Variants in HIGD1C observed in about 807,000 individuals in gnomAD.
HIGD1C encodes the protein HIG1 domain family member 1C.
Under a neutral mutation model 13.1 loss-of-function variants are expected in HIGD1C, and 11 were observed. The ratio of observed to expected loss-of-function variants is 0.84; its 90% confidence interval spans 0.53 to 1.39. The LOEUF is 1.39. HIGD1C is among the 40% of genes most tolerant of loss of function. HIGD1C has a pLI of 0.00. For synonymous variants in HIGD1C, 36 were observed against 37.7 expected (o/e 0.95, Z 0.17); for missense variants, 110 against 112.0 (o/e 0.98, Z 0.08).
the HIGD1C span, among the ~76,000 whole-genome samples, chr12:50,946,722 C>T: frequency 6.6e-6 from 1 of 152,106 alleles, no homozygotes; most frequent in Admixed American, 6.5e-5. Flanking sequence ...CCAGCCATCC[C>T]ATTACTGGGT....
the HIGD1C span, among the ~76,000 whole-genome samples, chr12:50,947,300 A>T: frequency 1.3e-5 from 2 of 152,210 alleles, no homozygotes; most frequent in Non-Finnish European, 2.9e-5. Context: ...CAACTCTGGA[A>T]GACAGAAGTC....
upstream of HIGD1C, among the ~76,000 whole-genome samples, chr12:50,949,681 G>T (rs892384693): frequency 2.0e-5 from 3 of 151,812 alleles, no homozygotes; most frequent in African/African-American, 7.3e-5. Context: ...TTACAGGCAT[G>T]TGCCACCTCA....
intron 2 of HIGD1C, among the ~76,000 whole-genome samples, chr12:50,963,259 A>G (rs1939408039): frequency 1.3e-5 from 2 of 150,908 alleles, no homozygotes; most frequent in African/African-American, 4.9e-5. Flanking sequence ...AATCCCAGCT[A>G]CTCAGGAGGC....
chr12:50,962,082 C>T (rs947551412), intron 2 of HIGD1C, among the ~76,000 whole-genome samples: 58 of 152,192 alleles, frequency 3.8e-4, no homozygotes, highest in African/African-American at 1.3e-3. Context: ...TTATAGATGC[C>T]GTGACAGAAA....
At position 50,954,994 on chromosome 12, in the gene HIGD1C, A is replaced by G. The variant is rs531866116; in HGVS notation, c.94+902A>G. ...GGCAAAATAAATTCTGGACTAAAGAAGTGATACTATAATTAGGCCGGGCAC... is the reference window on the plus strand; with the variant it reads ...GGCAAAATAAATTCTGGACTAAAGAGGTGATACTATAATTAGGCCGGGCAC... On this transcript the variant is annotated intron_variant, in intron 1 of 2. Transcript: ENST00000398455. Among the ~76,000 whole-genome samples, 75 of 152,046 alleles carry G rather than the reference A, an allele frequency of 4.9e-4. 1 individual carries two copies. The South Asian group carries it at 0.013, about 26-fold the overall frequency.
At chr12:50,960,484 A>G (rs1939282999) in intron 1 of HIGD1C, among the ~76,000 whole-genome samples, 2 of 152,218 alleles carry the variant, frequency 1.3e-5, no homozygotes, top group South Asian at 4.1e-4. Context: ...TTCTGGGAAG[A>G]GTCAAAACTG....
chr12:50,934,900 GACACACAC>G, the HIGD1C span: 3 of 150,948 alleles, frequency 2.0e-5, no homozygotes, highest in East Asian at 3.9e-4. Context: ...TTTAATGGCT[GACACACAC>G]ACACACACAC....
downstream of HIGD1C, among the ~76,000 whole-genome samples, chr12:50,970,724 A>G (rs796434978): frequency 2.3e-4 from 35 of 152,284 alleles, no homozygotes; most frequent in African/African-American, 7.7e-4. Context: ...TTCAGAACCT[A>G]GGGCATGATT....
chr12:50,963,059 GGAAAGGAATTAGAAAA>G (rs1358963229), intron 2 of HIGD1C, among the ~76,000 whole-genome samples: 19 of 152,072 alleles, frequency 1.2e-4, no homozygotes, highest in South Asian at 8.3e-4. Context: ...AAGTGAGCCG[GGAAAGGAATTAGAAAA>G]GAAAGGAAAG....
chr12:50,942,797 G>A, the HIGD1C span, among the ~76,000 whole-genome samples: 2 of 152,060 alleles, frequency 1.3e-5, no homozygotes, highest in African/African-American at 4.8e-5. Context: ...CCAGGAGTTC[G>A]AGGCTGCAGT....
the HIGD1C span, among the ~76,000 whole-genome samples, chr12:50,945,636 G>A: frequency 9.9e-5 from 15 of 152,050 alleles, no homozygotes; most frequent in Admixed American, 3.9e-4. Context: ...AATCAATATC[G>A]TGAAAATGGC....
chr12:50,953,726 A>G (rs1464695886), upstream of HIGD1C, among the ~76,000 whole-genome samples: 1 of 152,218 alleles, frequency 6.6e-6, no homozygotes, highest in Non-Finnish European at 1.5e-5. Flanking sequence ...ACTGAATAAC[A>G]GCATTATGAT....
chr12:50,939,215 T>C, the HIGD1C span, among the ~76,000 whole-genome samples: 229 of 152,326 alleles, frequency 1.5e-3, 6 homozygotes, highest in East Asian at 1.5e-3. Flanking sequence ...TGGTGCGATC[T>C]TGGCTCACTG....
chr12:50,952,155 T>C, upstream of HIGD1C, among the ~76,000 whole-genome samples: 1 of 149,680 alleles, frequency 6.7e-6, no homozygotes, highest in Middle Eastern at 3.2e-3. Context: ...ATTATATCAA[T>C]GTTAAGTTTC....
chr12:50,933,450 T>C, the HIGD1C span, among the ~76,000 whole-genome samples: 13 of 152,234 alleles, frequency 8.5e-5, 1 homozygote, highest in Admixed American at 8.5e-4. Flanking sequence ...AAAAGGACTA[T>C]CAACTCAAAT....
the HIGD1C span, among the ~76,000 whole-genome samples, chr12:50,941,527 A>T: frequency 1.3e-5 from 2 of 152,166 alleles, no homozygotes; most frequent in Non-Finnish European, 2.9e-5. Flanking sequence ...CTTAACTTTT[A>T]TGGTGGGAGG....
At chr12:50,937,930 G>A in the HIGD1C span, among the ~76,000 whole-genome samples, 1 of 152,152 alleles carries the variant, frequency 6.6e-6, no homozygotes, top group East Asian at 1.9e-4. Context: ...CCATGCATGG[G>A]CCTGGGAAAA....
chr12:50,954,435 A>G (rs1038853435), intron 1 of HIGD1C: 1 of 192,364 alleles, frequency 5.2e-6, no homozygotes, highest in Admixed American at 5.7e-5. Flanking sequence ...TCAGTTTATT[A>G]TATTTAAAGC....
chr12:50,952,251 GCTA>G (rs1173585418), upstream of HIGD1C, among the ~76,000 whole-genome samples: 1 of 151,942 alleles, frequency 6.6e-6, no homozygotes. Flanking sequence ...GCATAAGTCT[GCTA>G]CTGTCAGGTG....
Sources: allele counts gnomAD v4.1 joint callset (sites outside exome capture counted in the v4.1 genomes callset), GRCh38; gene constraint gnomAD v4.1.1; transcripts MANE v1.5; gene names NCBI Gene and HGNC (gene_info 2026-07-23, HGNC 2026-07-21).